GGT5: variants seen among roughly 807,000 people sequenced by gnomAD.
GGT5 encodes the protein gamma-glutamyltransferase 5.
Under a neutral mutation model 58.1 loss-of-function variants are expected in GGT5, and 50 were observed. The observed-to-expected ratio is 0.86, with a 90% CI of 0.69 to 1.09. GGT5 has a LOEUF of 1.09. Among genes scored for constraint, GGT5 ranks in the 50% least tolerant of loss-of-function variants. GGT5 has a pLI of 0.00. For synonymous variants in GGT5, 370 were observed against 346.1 expected, an observed-to-expected ratio of 1.07 and a Z score of -0.77; for missense variants, 800 against 789.4, an observed-to-expected ratio of 1.01 and a Z score of -0.16.
At chr22:24,235,177 G>T (rs1465186452) in intron 1 of GGT5, among the ~76,000 whole-genome samples, 1 of 148,792 alleles carries the variant, frequency 6.7e-6, no homozygotes, top group Non-Finnish European at 1.5e-5. Flanking sequence ...TCCTGCTTCA[G>T]CCTGCCGAGT....
In GGT5 at chr22:24,233,025, G is replaced by A. The variant is rs752355016; in HGVS notation, c.401-7C>T. 5.3e-6 allele frequency: 8 copies of A among 1,511,532 alleles called. No individual in the cohort carries two copies. Among genetic ancestry groups the A allele is most frequent in the Non-Finnish European group, 7.1e-6 (8 of 1,125,384 alleles). The allele number at this position is 1,511,532 out of a possible 1,614,324, so 93.6% of individuals were successfully genotyped here. A position where few individuals can be genotyped will look rare whatever the true frequency, so the allele number is the denominator to read the frequency against. Reference sequence around the variant, plus strand: ...ACCCCGATCCACTGGGCCCCTGCATGGCACATCCCAGCTCTCAACCCTGTG... The same window carrying A: ...ACCCCGATCCACTGGGCCCCTGCATAGCACATCCCAGCTCTCAACCCTGTG... On this transcript the variant is annotated splice_region_variant and splice_polypyrimidine_tract_variant and intron_variant, in intron 3 of 11. Transcript: ENST00000327365.
At chr22:24,239,348 A>G (rs1210129465) in intron 1 of GGT5, among the ~76,000 whole-genome samples, 1 of 152,018 alleles carries the variant, frequency 6.6e-6, no homozygotes, top group Non-Finnish European at 1.5e-5. Context: ...CAAAAAAAAA[A>G]GGGTAACAGA....
intron 1 of GGT5, among the ~76,000 whole-genome samples, chr22:24,235,605 G>A (rs895078136): frequency 1.3e-5 from 2 of 152,212 alleles, no homozygotes; most frequent in Non-Finnish European, 2.9e-5. Context: ...CTTGGAACAG[G>A]AAAGAGAGCA....
intron 8 of GGT5, 121 bp from the exon 9 acceptor site, chr22:24,225,773 G>T (rs546779082): frequency 4.3e-6 from 3 of 704,472 alleles, no homozygotes; most frequent in African/African-American, 1.8e-5. Context: ...TGCTGAAGCC[G>T]CTATTCTCTC....
intron 6 of GGT5, among the ~76,000 whole-genome samples, chr22:24,227,008 G>T (rs2047789414): frequency 6.8e-6 from 1 of 147,448 alleles, no homozygotes; most frequent in African/African-American, 2.5e-5. Flanking sequence ...GAGTGCAATG[G>T]CGCAGTCTCA....
Position 24,225,577 on chromosome 22 carries a change from G to A in GGT5, c.1305C>T (p.Cys435=), listed in dbSNP as rs1453535616. The change falls in exon 9 of 12, where the codon TGC becomes TGT. Residue 435 remains cysteine (C), a synonymous_variant. Coordinates refer to ENST00000327365, the MANE Select transcript of GGT5 (RefSeq NM_004121.5). ...NNELLDLCER[C]PRGSGTTPSP... Reference sequence around the variant, plus strand: ...AGGGGGTGGTGCCGGAACCCCGGGGGCATCGCTCGCATAAGTCCAGGAGCT... The same window carrying A: ...AGGGGGTGGTGCCGGAACCCCGGGGACATCGCTCGCATAAGTCCAGGAGCT... 3.7e-6 allele frequency: 6 copies of A among 1,612,134 alleles called. No individual in the cohort carries two copies. Among genetic ancestry groups the A allele is most frequent in the African/African-American group, 2.7e-5 (2 of 74,878 alleles).
Position 24,226,555 on chromosome 22 carries a change from C to T in GGT5, c.1038+76G>A, listed in dbSNP as rs1271396575. 4 of 1,490,758 alleles carry T rather than the reference C, an allele frequency of 2.7e-6. No individual in the cohort carries two copies. The South Asian group carries it at 4.6e-5, about 17-fold the overall frequency. The allele number at this position is 1,490,758 out of a possible 1,614,324, so 92.3% of individuals were successfully genotyped here. A position where few individuals can be genotyped will look rare whatever the true frequency, so the allele number is the denominator to read the frequency against. On this transcript the variant is annotated intron_variant, in intron 7 of 11. Coordinates refer to ENST00000327365, the MANE Select transcript of GGT5 (RefSeq NM_004121.5). ...TCCCTCCAACTTCCCCCTACCAGGCCTGACCCTCATTTCATGCCAAGTCCT... is the reference window on the plus strand; with the variant it reads ...TCCCTCCAACTTCCCCCTACCAGGCTTGACCCTCATTTCATGCCAAGTCCT...
rs556137567 is a variant in GGT5 at position 24,239,151 on chromosome 22, A to G, written c.174-5147T>C. ...TTAGGAGATCGAGACCATCCTGGCT[A>G]ACACAGTGAAACCCGTCTCTACTAA... On this transcript the variant is annotated intron_variant, in intron 1 of 11. Transcript: ENST00000327365. Among the ~76,000 whole-genome samples, 18 of 148,508 alleles carry G rather than the reference A, an allele frequency of 1.2e-4. No homozygotes were observed. The East Asian group carries it at 3.6e-3, about 30-fold the overall frequency.
At position 24,233,488 on chromosome 22, in the gene GGT5, G is replaced by A; in HGVS notation, c.400+10C>T. The A allele has an allele frequency of 6.5e-7, 1 of 1,548,140 alleles. No individual in the cohort carries two copies. Among genetic ancestry groups the A allele is most frequent in the Non-Finnish European group, 8.8e-7 (1 of 1,132,702 alleles). ...GGGGGTGGGAGTGGGGGACCTCCAT[G>A]GGGCGTCACCTGTGCCCAGTGGCAG... On this transcript the variant is annotated intron_variant, in intron 3 of 11. Coordinates refer to ENST00000327365, the MANE Select transcript of GGT5 (RefSeq NM_004121.5).
chr22:24,243,992 C>G (rs1278494529), intron 1 of GGT5: 1 of 153,656 alleles, frequency 6.5e-6, no homozygotes, highest in Non-Finnish European at 1.4e-5. Context: ...AACCCCTTCA[C>G]CCATGACCCT....
rs200937485 is a variant in GGT5, at chr22:24,225,548, G to C, written c.1334C>G (p.Pro445Arg). The C allele has an allele frequency of 4.4e-6, 7 of 1,607,552 alleles. No homozygotes were observed. The highest frequency in any genetic ancestry group is 1.1e-5 in the South Asian group (1 of 90,938). Residue 445 changes from proline to arginine, a missense_variant and splice_region_variant, in exon 9 of 12, where the codon CCT (proline) becomes CGT (arginine). Coordinates refer to ENST00000327365, the MANE Select transcript of GGT5 (RefSeq NM_004121.5). Reference sequence around the variant, plus strand: ...CGGGTGGGAAGCTTTGTTCTCACCAGGTGAGGGGGTGGTGCCGGAACCCCG... The same window carrying C: ...CGGGTGGGAAGCTTTGTTCTCACCACGTGAGGGGGTGGTGCCGGAACCCCG... Reference protein sequence around the residue: ...CPRGSGTTPSPVSGDRVGGAP... With the variant: ...CPRGSGTTPSRVSGDRVGGAP...
intron 1 of GGT5, among the ~76,000 whole-genome samples, chr22:24,236,556 G>GTAC (rs2048101214): frequency 1.3e-5 from 2 of 152,196 alleles, no homozygotes; most frequent in Non-Finnish European, 2.9e-5. Flanking sequence ...GAGGTCAGGA[G>GTAC]ATTGAGACCA....
At chr22:24,233,220 C>T (rs955455445) in intron 3 of GGT5, among the ~76,000 whole-genome samples, 2 of 152,222 alleles carry the variant, frequency 1.3e-5, no homozygotes, top group East Asian at 3.9e-4. Flanking sequence ...CACAAACTGG[C>T]CCCAGGAGCC....
chr22:24,240,368 A>G (rs2048294933), intron 1 of GGT5, among the ~76,000 whole-genome samples: 1 of 152,258 alleles, frequency 6.6e-6, no homozygotes, highest in South Asian at 2.1e-4. Context: ...TTAAAAGGAC[A>G]ATCAATAAAA....
intron 1 of GGT5, among the ~76,000 whole-genome samples, chr22:24,238,864 T>A (rs1337916825): frequency 1.0e-3 from 10 of 9,816 alleles, no homozygotes; most frequent in African/African-American, 5.5e-3. Flanking sequence ...ATTATATATA[T>A]AATATATATA....
At chr22:24,232,741 G>A (rs551484599) in intron 4 of GGT5, 82 bp downstream of exon 4, 1 of 967,188 alleles carries the variant, frequency 1.0e-6, no homozygotes, top group Non-Finnish European at 1.5e-6. Flanking sequence ...AAGAGGGACT[G>A]AGGCAGAGCT....
chr22:24,232,003 G>C, intron 5 of GGT5, 48 bp downstream of exon 5: 1 of 1,534,392 alleles, frequency 6.5e-7, no homozygotes, highest in South Asian at 1.1e-5. Context: ...CCCAGAACTT[G>C]GCTCTTCCTC....
chr22:24,226,009 G>T, intron 8 of GGT5, 67 bp downstream of exon 8: 1 of 1,156,498 alleles, frequency 8.6e-7, no homozygotes, highest in Non-Finnish European at 1.2e-6. Context: ...GGGGACATGG[G>T]GCTGGGGGTG....
chr22:24,226,626 C>G lies in GGT5; in HGVS notation c.1038+5G>C. 1.2e-6 allele frequency: 2 copies of G among 1,613,894 alleles called. No individual in the cohort carries two copies. The highest frequency in any genetic ancestry group is 1.7e-6 in the Non-Finnish European group (2 of 1,179,846). ...CCACCAGCCCAGCAACCTCAGCAACCTCACCTGGAGCTTCGGGTGGCTTCG... is the reference window on the plus strand; with the variant it reads ...CCACCAGCCCAGCAACCTCAGCAACGTCACCTGGAGCTTCGGGTGGCTTCG... On this transcript the variant is annotated splice_donor_5th_base_variant and intron_variant, in intron 7 of 11. Coordinates refer to ENST00000327365, the MANE Select transcript of GGT5 (RefSeq NM_004121.5).
Sources: allele counts gnomAD v4.1 joint callset (sites outside exome capture counted in the v4.1 genomes callset), GRCh38; gene constraint gnomAD v4.1.1; transcripts MANE v1.5; gene names NCBI Gene and HGNC (gene_info 2026-07-23, HGNC 2026-07-21).